Variants in ABAT observed in about 807,000 individuals in gnomAD.
ABAT encodes 4-aminobutyrate aminotransferase, mitochondrial.
Under a neutral mutation model 64.6 loss-of-function variants are expected in ABAT, and 45 were observed. That is an observed-to-expected ratio of 0.70 (90% CI 0.55 to 0.89). The LOEUF (loss-of-function observed/expected upper bound fraction) is 0.89. Among genes scored for constraint, ABAT ranks in the 40% least tolerant of loss-of-function variants. ABAT has a pLI of 0.00. For missense variants in ABAT, 633 were observed against 658.4 expected (o/e 0.96, Z 0.42); for synonymous variants, 297 against 250.5 (o/e 1.19, Z -1.75).
chr16:8,745,013 C>T (rs1731018), intron 2 of ABAT, among the ~76,000 whole-genome samples: 115,500 of 152,056 alleles, frequency 0.76, 44,356 homozygotes, highest in Non-Finnish European at 0.81. Flanking sequence ...GTTGAGACAG[C>T]GTCTCACTCT....
chr16:8,773,828 C>T (rs993566754), intron 12 of ABAT, among the ~76,000 whole-genome samples: 6 of 152,226 alleles, frequency 3.9e-5, no homozygotes, highest in African/African-American at 1.4e-4. Flanking sequence ...TGGCTTATGT[C>T]ACTTAACATA....
At chr16:8,761,816 C>A (rs1273398) in intron 6 of ABAT, among the ~76,000 whole-genome samples, 1 of 151,992 alleles carries the variant, frequency 6.6e-6, no homozygotes, top group East Asian at 1.9e-4. Flanking sequence ...CACCAAAGTC[C>A]CAAGAAGGGG....
chr16:8,738,488 A>G (rs1456763824), intron 2 of ABAT: 11 of 455,412 alleles, frequency 2.4e-5, no homozygotes, highest in Admixed American at 2.1e-4. Context: ...CTCATCTTCC[A>G]TGGCCTCCTC....
rs575011036 is a variant in ABAT, at chr16:8,676,311, G to A, written c.-42+1600G>A. 2.6e-5 allele frequency among the ~76,000 whole-genome samples: 4 copies of A among 152,198 alleles called. No individual in the cohort carries two copies. In the East Asian group the frequency reaches 7.7e-4, roughly 29 times the overall value. On this transcript the variant is annotated intron_variant, in intron 1 of 15. Transcript: ENST00000268251. Reference sequence around the variant, plus strand: ...AGAGGCACAAAAGGGGAAGAGACTTGCTCAAGGTCACCCAGCCTGTGGGAG... The same window carrying A: ...AGAGGCACAAAAGGGGAAGAGACTTACTCAAGGTCACCCAGCCTGTGGGAG...
chr16:8,774,251 A>G (rs13338915), intron 12 of ABAT, among the ~76,000 whole-genome samples: 3,931 of 152,090 alleles, frequency 0.026, 171 homozygotes, highest in African/African-American at 0.09. Flanking sequence ...TATGTACCAT[A>G]TTTACTTTAT....
At chr16:8,696,797 G>C (rs76433000) in intron 1 of ABAT, among the ~76,000 whole-genome samples, 7,238 of 152,190 alleles carry the variant, frequency 0.048, 215 homozygotes, top group Middle Eastern at 0.092. Context: ...CCTGGTCTTG[G>C]ACAGGCCTCT....
intron 1 of ABAT, among the ~76,000 whole-genome samples, chr16:8,726,467 C>T (rs1314288950): frequency 1.3e-5 from 2 of 152,010 alleles, no homozygotes; most frequent in Non-Finnish European, 2.9e-5. Context: ...CCATGTTCGC[C>T]AGGCTGGCCT....
At chr16:8,709,918 C>G (rs59224497) in intron 1 of ABAT, among the ~76,000 whole-genome samples, 3 of 152,026 alleles carry the variant, frequency 2.0e-5, no homozygotes, top group African/African-American at 7.3e-5. Context: ...GCCATCCTCC[C>G]TCCGCCGCCT....
chr16:8,731,036 C>T (rs1157081897), intron 1 of ABAT, among the ~76,000 whole-genome samples: 1 of 151,228 alleles, frequency 6.6e-6, no homozygotes, highest in Non-Finnish European at 1.5e-5. Flanking sequence ...GATCTTGGCT[C>T]ACTGCCATCT....
chr16:8,739,874 A>G (rs1272725405), intron 2 of ABAT, among the ~76,000 whole-genome samples: 2 of 151,622 alleles, frequency 1.3e-5, no homozygotes, highest in African/African-American at 4.9e-5. Flanking sequence ...AGAAAACCAT[A>G]TGGTGAGATT....
intron 1 of ABAT, chr16:8,713,753 A>C: frequency 2.5e-6 from 1 of 406,472 alleles, no homozygotes; most frequent in Non-Finnish European, 5.1e-6. Context: ...GCCCAACGGC[A>C]CCTCTTAGGA....
At chr16:8,726,673 G>C (rs1203448154) in intron 1 of ABAT, among the ~76,000 whole-genome samples, 1 of 152,154 alleles carries the variant, frequency 6.6e-6, no homozygotes, top group Non-Finnish European at 1.5e-5. Flanking sequence ...ATATCTCTTC[G>C]ATATACTGAG....
rs181575568 is a variant in ABAT at position 8,695,710 on chromosome 16, A to G, written c.-42+20999A>G. On this transcript the variant is annotated intron_variant, in intron 1 of 15. Coordinates refer to ENST00000268251, the MANE Select transcript of ABAT (RefSeq NM_020686.6). ...TCCGTTTTCTCATCTGCTAAGTGGA[A>G]AGAAATTTTCCTTGCATTGGAGTGA... Among the ~76,000 whole-genome samples, 16 of 152,350 alleles carry G rather than the reference A, an allele frequency of 1.1e-4. No homozygotes were observed. The East Asian group carries it at 2.9e-3, about 28-fold the overall frequency.
chr16:8,711,769 T>TGGGC, intron 1 of ABAT, among the ~76,000 whole-genome samples: 1 of 132,208 alleles, frequency 7.6e-6, no homozygotes, highest in Non-Finnish European at 1.7e-5. Flanking sequence ...GGAAGATGGA[T>TGGGC]GGATGGATGG....
At chr16:8,777,521 T>C (rs966521467) in intron 14 of ABAT, among the ~76,000 whole-genome samples, 2 of 152,166 alleles carry the variant, frequency 1.3e-5, no homozygotes, top group African/African-American at 2.4e-5. Context: ...ATAATACTTC[T>C]AACACTTGAT....
chr16:8,699,005 G>T (rs2142012327), intron 1 of ABAT, among the ~76,000 whole-genome samples: 1 of 152,270 alleles, frequency 6.6e-6, no homozygotes, highest in East Asian at 1.9e-4. Context: ...CAGCAGATAA[G>T]TATCTGTTTC....
chr16:8,722,649 G>A, intron 1 of ABAT: 1 of 407,640 alleles, frequency 2.5e-6, no homozygotes, highest in South Asian at 2.0e-5. Flanking sequence ...CAACCAGCCT[G>A]CTGTAACTTC....
intron 4 of ABAT, among the ~76,000 whole-genome samples, chr16:8,749,943 G>A (rs2059432103): frequency 6.7e-6 from 1 of 149,888 alleles, no homozygotes; most frequent in Non-Finnish European, 1.5e-5. Flanking sequence ...TTGATCTCCT[G>A]ACTTCAAATG....
At chr16:8,754,759 C>A (rs539093695) in intron 5 of ABAT, among the ~76,000 whole-genome samples, 1 of 150,770 alleles carries the variant, frequency 6.6e-6, no homozygotes, top group East Asian at 1.9e-4. Flanking sequence ...CATTCTGTTG[C>A]CCAGGCTGGA....
Sources: gnomAD v4.1 joint callset for allele counts (sites outside exome capture counted in the v4.1 genomes callset) on GRCh38, gnomAD v4.1.1 for gene constraint, MANE v1.5 for transcripts, NCBI Gene and HGNC (gene_info 2026-07-23, HGNC 2026-07-21) for gene names.